Variants in SHQ1 observed in about 807,000 individuals in gnomAD.
SHQ1 encodes the protein SHQ1, H/ACA ribonucleoprotein assembly factor.
A neutral mutation model predicts 53.8 loss-of-function variants in SHQ1; 49 were observed. That is an observed-to-expected ratio of 0.91 (90% CI 0.72 to 1.16). The LOEUF is 1.16. Among genes scored for constraint, SHQ1 ranks in the 50% most tolerant of loss-of-function variants. SHQ1 has a pLI of 0.00. For synonymous variants in SHQ1, 243 were observed against 251.0 expected, an observed-to-expected ratio of 0.97 and a Z score of 0.30; for missense variants, 738 against 683.1, an observed-to-expected ratio of 1.08 and a Z score of -0.90.
chr3:72,837,593 T>C (rs1271338176), intron 4 of SHQ1, among the ~76,000 whole-genome samples: 3 of 152,204 alleles, frequency 2.0e-5, no homozygotes, highest in Admixed American at 1.3e-4. Flanking sequence ...TGGACATCTC[T>C]TCATCTATAG....
intron 4 of SHQ1, among the ~76,000 whole-genome samples, chr3:72,839,795 C>T (rs1203122486): frequency 6.6e-6 from 1 of 152,100 alleles, no homozygotes; most frequent in East Asian, 2.0e-4. Context: ...GAGTCTCACA[C>T]TGTTGCCCAG....
chr3:72,750,489 C>A lies in SHQ1; in HGVS notation c.1529G>T (p.Arg510Leu), dbSNP rs762002222. ...SAFLIVDGGV[R>L]RNTAIQESDA... is the part of the protein sequence containing the mutation. ...AGACTCCTGGATGGCTGTGTTTCTGCGTACTCCACCATCAACAATAAGAAA... is the reference window on the plus strand; with the variant it reads ...AGACTCCTGGATGGCTGTGTTTCTGAGTACTCCACCATCAACAATAAGAAA... Residue 510 changes from arginine to leucine, a missense_variant, in exon 11 of 11, where the codon CGC becomes CTC. Coordinates refer to ENST00000325599, the MANE Select transcript of SHQ1 (RefSeq NM_018130.3). The A allele has an allele frequency of 6.2e-7, 1 of 1,614,150 alleles. No individual in the cohort carries two copies. Among genetic ancestry groups the A allele is most frequent in the African/African-American group, 1.3e-5 (1 of 75,032 alleles).
intron 4 of SHQ1, 104 bp from the exon 5 acceptor site, chr3:72,832,585 T>G: frequency 4.1e-6 from 3 of 725,274 alleles, no homozygotes; most frequent in South Asian, 3.6e-5. Context: ...ACCTAACTGA[T>G]CAGTAAACCA....
intron 9 of SHQ1, among the ~76,000 whole-genome samples, chr3:72,810,130 C>T (rs993752487): frequency 6.6e-6 from 1 of 152,080 alleles, no homozygotes; most frequent in Non-Finnish European, 1.5e-5. Context: ...GTTGAAGAGA[C>T]AGAGACAGGG....
At chr3:72,743,373 G>C in the SHQ1 span, among the ~76,000 whole-genome samples, 1 of 152,180 alleles carries the variant, frequency 6.6e-6, no homozygotes, top group South Asian at 2.1e-4. Context: ...GCCAGCCTAG[G>C]GGGCAGTGAG....
chr3:72,831,378 A>G (rs967898191), intron 5 of SHQ1, among the ~76,000 whole-genome samples: 5 of 152,240 alleles, frequency 3.3e-5, no homozygotes, highest in Non-Finnish European at 7.3e-5. Flanking sequence ...TGAAAAGGAT[A>G]TACAAAATGA....
chr3:72,748,127 G>A (rs62251637), downstream of SHQ1, among the ~76,000 whole-genome samples: 9,438 of 151,710 alleles, frequency 0.062, 420 homozygotes, highest in Non-Finnish European at 0.09. Flanking sequence ...ATCAGCACTG[G>A]GGAATAATTT....
chr3:72,846,360 T>TCTTGGCTCACTGCAAC (rs1708329134), intron 1 of SHQ1: 1 of 1,495,344 alleles, frequency 6.7e-7, no homozygotes. Context: ...GATAGCGCAA[T>TCTTGGCTCACTGCAAC]CTTGGCTCAC....
the SHQ1 span, among the ~76,000 whole-genome samples, chr3:72,734,356 G>A: frequency 6.6e-6 from 1 of 150,870 alleles, no homozygotes; most frequent in South Asian, 2.1e-4. Context: ...TCCCAGGTTC[G>A]GTGATTCTCC....
rs1705348172 is a variant in SHQ1 at position 72,750,705 on chromosome 3, G to A, written c.1313C>T (p.Ala438Val). 6.3e-7 allele frequency: 1 copy of A among 1,582,504 alleles called. No individual in the cohort carries two copies. The highest frequency in any genetic ancestry group is 8.6e-7 in the Non-Finnish European group (1 of 1,163,012). ...CTGCTGCCCAGAAACTGAATGGGCT[G>A]CTTTTAATGCAGTTTCTTCCTCCTG... ...LVQEEETALKAAHSVSGQQTL... is the reference protein window; with the variant it reads ...LVQEEETALKVAHSVSGQQTL... Residue 438 changes from alanine (A) to valine (V), a missense_variant, in exon 11 of 11, where the codon GCA (alanine) becomes GTA (valine). By Grantham distance (64) the Ala-to-Val change is moderately conservative. Transcript: ENST00000325599.
In SHQ1 at chr3:72,750,443, T is replaced by A; in HGVS notation, c.1575A>T (p.Pro525=). The change falls in exon 11 of 11, where the codon CCA becomes CCT. Residue 525 remains proline, a synonymous_variant. Transcript: ENST00000325599. ...CTCCAAGAGGCCAGGAAGAGGCAAG[T>A]GGCTTTCCCTGACTGGCATCAGACT... The part of the protein sequence containing the change: ...IQESDASQGK[P]LASSWPLGVS... The A allele has an allele frequency of 6.2e-7, 1 of 1,614,208 alleles. No individual in the cohort carries two copies. Among genetic ancestry groups the A allele is most frequent in the Non-Finnish European group, 8.5e-7 (1 of 1,180,042 alleles).
chr3:72,744,997 T>C (rs1705233642), downstream of SHQ1, among the ~76,000 whole-genome samples: 1 of 151,958 alleles, frequency 6.6e-6, no homozygotes, highest in Non-Finnish European at 1.5e-5. Flanking sequence ...TGTATATTTA[T>C]AATTTTATTC....
chr3:72,798,735 T>C (rs1318565239), intron 9 of SHQ1, among the ~76,000 whole-genome samples: 1 of 152,244 alleles, frequency 6.6e-6, no homozygotes, highest in Non-Finnish European at 1.5e-5. Context: ...GACCAGCTCA[T>C]GGCTGGAGGC....
chr3:72,758,720 C>A (rs921797147), intron 10 of SHQ1, among the ~76,000 whole-genome samples: 2 of 152,010 alleles, frequency 1.3e-5, no homozygotes, highest in Non-Finnish European at 2.9e-5. Context: ...CAGGCACTCA[C>A]CACCACGCCC....
At chr3:72,818,628 A>G (rs62249861) in intron 6 of SHQ1, among the ~76,000 whole-genome samples, 33,166 of 152,134 alleles carry the variant, frequency 0.22, 3,843 homozygotes, top group Non-Finnish European at 0.24. Flanking sequence ...ATGACTTCCA[A>G]TGAGTCATAT....
At chr3:72,783,526 C>A (rs912683581) in intron 10 of SHQ1, among the ~76,000 whole-genome samples, 1 of 152,000 alleles carries the variant, frequency 6.6e-6, no homozygotes, top group African/African-American at 2.4e-5. Flanking sequence ...GGTGCCCAAG[C>A]TGGTCTCGAA....
intron 10 of SHQ1, among the ~76,000 whole-genome samples, chr3:72,792,646 G>A (rs531450790): frequency 4.6e-5 from 7 of 152,046 alleles, no homozygotes; most frequent in Admixed American, 1.3e-4. Context: ...TTAGCTAGGC[G>A]TGGTGGCACA....
intron 9 of SHQ1, chr3:72,809,987 C>T (rs1707068744): frequency 6.6e-6 from 1 of 151,850 alleles, no homozygotes; most frequent in Non-Finnish European, 1.5e-5. Flanking sequence ...AAGAATAACT[C>T]TTCTGAAGAT....
chr3:72,772,712 T>C (rs1705880597), intron 10 of SHQ1: 2 of 732,776 alleles, frequency 2.7e-6, no homozygotes, highest in Non-Finnish European at 5.1e-6. Flanking sequence ...CTGGAAGATG[T>C]AGATGGAATT....
Sources: gnomAD v4.1 joint callset for allele counts (sites outside exome capture counted in the v4.1 genomes callset) on GRCh38, gnomAD v4.1.1 for gene constraint, MANE v1.5 for transcripts, NCBI Gene and HGNC (gene_info 2026-07-23, HGNC 2026-07-21) for gene names.